The following PLA2G4C variants were observed in gnomAD, a reference collection of about 807,000 sequenced individuals.
The protein encoded by PLA2G4C is phospholipase A2 group IVC, also known as cytosolic phospholipase A2 gamma.
In PLA2G4C, 64 loss-of-function variants were observed where a neutral mutation model predicts 73.8. That is an observed-to-expected ratio of 0.87 (90% CI 0.71 to 1.07). PLA2G4C has a LOEUF of 1.07. PLA2G4C is among the 50% of genes least tolerant of loss of function. The pLI, the probability that PLA2G4C is intolerant of heterozygous loss-of-function variation, is 0.00. For synonymous variants in PLA2G4C, 254 were observed against 252.1 expected (o/e 1.01, Z -0.07); for missense variants, 622 against 665.4 (o/e 0.93, Z 0.72).
At chr19:48,062,359 C>T in intron 13 of PLA2G4C, 1 of 416,876 alleles carries the variant, frequency 2.4e-6, no homozygotes, top group Non-Finnish European at 4.3e-6. Flanking sequence ...ACCTGAAATC[C>T]CAGCACTTTG....
At chr19:48,073,192 C>G (rs867337508) in intron 12 of PLA2G4C, 2 of 152,174 alleles carry the variant, frequency 1.3e-5, no homozygotes, top group African/African-American at 2.4e-5. Flanking sequence ...ACCATGGGAA[C>G]GCACTACCAT....
In PLA2G4C at chr19:48,048,377, G is replaced by A. The variant is rs751202291; in HGVS notation, c.1592C>T (p.Pro531Leu). 3.8e-5 allele frequency: 60 copies of A among 1,593,212 alleles called. No individual in the cohort carries two copies. The highest frequency in any genetic ancestry group is 9.1e-5 in the East Asian group (4 of 43,724). Residue 531 changes from proline to leucine, a missense_variant, in exon 17 of 17, where the codon CCG becomes CTG. Pro to Leu is a moderately conservative substitution (Grantham distance 98). Transcript: ENST00000599921. ...GCAGCAACTTCGGGCACTATCCTTC[G>A]GGTAGTAGAGCCTGGGGAGAAAGGA... The part of the protein sequence containing the change: ...ELMNVAGLYY[P>L]KDSARSCCLA
chr19:48,062,404 G>T, intron 13 of PLA2G4C: 1 of 339,068 alleles, frequency 2.9e-6, no homozygotes. Context: ...GAGGTCAGGA[G>T]TTCAAGATCA....
At chr19:48,075,211 T>G (rs1238395367) in intron 11 of PLA2G4C, among the ~76,000 whole-genome samples, 2 of 151,202 alleles carry the variant, frequency 1.3e-5, no homozygotes, top group African/African-American at 4.9e-5. Context: ...TGAGACAGAG[T>G]ATTGCTCTGT....
intron 4 of PLA2G4C, among the ~76,000 whole-genome samples, chr19:48,100,453 A>G (rs1310558707): frequency 1.3e-5 from 2 of 151,782 alleles, no homozygotes; most frequent in Admixed American, 6.6e-5. Flanking sequence ...AAAAACACAA[A>G]AATTAGCCAG....
intron 16 of PLA2G4C, chr19:48,052,412 T>C (rs1435917372): frequency 6.6e-6 from 1 of 152,506 alleles, no homozygotes; most frequent in Non-Finnish European, 1.5e-5. Flanking sequence ...TGAAAGTGTG[T>C]AGCACTTCCC....
intron 9 of PLA2G4C, among the ~76,000 whole-genome samples, chr19:48,086,153 A>C (rs567103491): frequency 6.6e-6 from 1 of 152,190 alleles, no homozygotes; most frequent in African/African-American, 2.4e-5. Flanking sequence ...TAGGTGGGAT[A>C]GATGGGGAGG....
chr19:48,103,691 A>G (rs924277111), intron 4 of PLA2G4C, among the ~76,000 whole-genome samples: 1 of 152,196 alleles, frequency 6.6e-6, no homozygotes, highest in African/African-American at 2.4e-5. Context: ...GATTAATGCA[A>G]TACTTTATCA....
intron 1 of PLA2G4C, among the ~76,000 whole-genome samples, chr19:48,108,133 C>T (rs905864449): frequency 6.6e-6 from 1 of 152,160 alleles, no homozygotes; most frequent in South Asian, 2.1e-4. Context: ...TTTCTACGAT[C>T]TCTCGTCTCC....
At chr19:48,057,480 C>CTGTTTTTTTTT (rs1967992674) in intron 14 of PLA2G4C, among the ~76,000 whole-genome samples, 1 of 28,082 alleles carries the variant, frequency 3.6e-5, no homozygotes, top group Non-Finnish European at 6.6e-5. Context: ...TCTTCTTCTT[C>CTGTTTTTTTTT]TTCTTTTTTT....
chr19:48,064,005 T>C (rs1196170178), intron 13 of PLA2G4C: 5 of 152,024 alleles, frequency 3.3e-5, no homozygotes, highest in African/African-American at 1.2e-4. Flanking sequence ...GAGTAGGGTG[T>C]TACGGAAAGT....
rs199937347 is a variant in PLA2G4C, at chr19:48,053,079, C to T, written c.1498G>A (p.Val500Met). Residue 500 changes from valine to methionine, a missense_variant, in exon 16 of 17, where the codon GTG becomes ATG. Val to Met is a conservative substitution (Grantham distance 21). Transcript: ENST00000599921. ...TTGGCTAATGCCAAGAGTAGCACCA[C>T]CACATCTAGAGTGTAGGTGTCAGCA... ...KLADTYTLDV[V>M]VLLLALAKKN... 1.9e-5 allele frequency: 31 copies of T among 1,612,524 alleles called. No individual in the cohort carries two copies. The Admixed American group carries it at 4.0e-4, about 21-fold the overall frequency.
At position 48,053,119 on chromosome 19, in the gene PLA2G4C, G is replaced by A. The variant is rs182307505; in HGVS notation, c.1458C>T (p.Tyr486=). ...GGDIEAWSDT[Y]DTFKLADTYT... is the part of the protein sequence containing the mutation. ...AGGTGTCAGCAAGCTTGAATGTGTC[G>A]TATGTGTCACTCCATGCCTCAATAT... The change falls in exon 16 of 17, where the codon TAC becomes TAT. Residue 486 remains tyrosine (Y), a synonymous_variant. Coordinates refer to ENST00000599921, the MANE Select transcript of PLA2G4C (RefSeq NM_003706.3). 103 of 1,606,882 alleles carry A rather than the reference G, an allele frequency of 6.4e-5. No individual in the cohort carries two copies. The Middle Eastern group carries it at 1.8e-3, about 28-fold the overall frequency.
intron 12 of PLA2G4C, among the ~76,000 whole-genome samples, chr19:48,068,880 C>T (rs1968552451): frequency 6.6e-6 from 1 of 151,988 alleles, no homozygotes; most frequent in Non-Finnish European, 1.5e-5. Context: ...ACTGACCCCA[C>T]TGGCACCTTG....
At chr19:48,080,443 T>G (rs959418231) in intron 10 of PLA2G4C, among the ~76,000 whole-genome samples, 1 of 152,116 alleles carries the variant, frequency 6.6e-6, no homozygotes, top group Non-Finnish European at 1.5e-5. Context: ...GAACTAAAAG[T>G]AGATCTACCG....
intron 1 of PLA2G4C, chr19:48,106,774 G>T (rs1346348175): frequency 4.1e-5 from 23 of 560,900 alleles, no homozygotes; most frequent in Non-Finnish European, 5.7e-5. Context: ...TTTCAAGCGC[G>T]TCTCTCTGAA....
Position 48,085,088 on chromosome 19 carries a change from T to C in PLA2G4C, c.815A>G (p.Asn272Ser). ...LKGLWRRAVA[N>S]AKSIGHLIFA... is the part of the protein sequence containing the mutation. ...AATAAGGTGTCCAATGCTTTTAGCA[T>C]TAGCAACAGCCCTTCTCCATAAACC... Residue 272 changes from asparagine to serine, a missense_variant, in exon 10 of 17, where the codon AAT (asparagine) becomes AGT (serine). Physicochemically the swap from Asn to Ser is conservative, Grantham distance 46. Transcript: ENST00000599921. 1 of 1,612,502 alleles carries C rather than the reference T, an allele frequency of 6.2e-7. No individual in the cohort carries two copies. The highest frequency in any genetic ancestry group is 8.5e-7 in the Non-Finnish European group (1 of 1,178,480).
chr19:48,105,517 G>T, intron 2 of PLA2G4C, 73 bp from the exon 3 acceptor site: 1 of 1,191,030 alleles, frequency 8.4e-7, no homozygotes, highest in African/African-American at 1.5e-5. Context: ...ATTTGACCTA[G>T]AACTGGGCTG....
At chr19:48,085,747 C>A (rs922312365) in intron 9 of PLA2G4C, among the ~76,000 whole-genome samples, 1 of 152,142 alleles carries the variant, frequency 6.6e-6, no homozygotes, top group African/African-American at 2.4e-5. Context: ...TGAAGGGCTG[C>A]GAGTCCCCAG....
Sources: allele counts gnomAD v4.1 joint callset (sites outside exome capture counted in the v4.1 genomes callset), GRCh38; gene constraint gnomAD v4.1.1; transcripts MANE v1.5; gene names NCBI Gene and HGNC (gene_info 2026-07-23, HGNC 2026-07-21).